HS6ST3: variants seen among roughly 807,000 people sequenced by gnomAD.
HS6ST3 encodes heparan sulfate 6-O-sulfotransferase 3.
A neutral mutation model predicts 36.7 loss-of-function variants in HS6ST3; 12 were observed. The ratio of observed to expected loss-of-function variants is 0.33; its 90% CI spans 0.21 to 0.53. HS6ST3 has a LOEUF of 0.53. HS6ST3 is among the 20% of genes least tolerant of loss of function. HS6ST3 has a pLI of 0.95. For synonymous variants in HS6ST3, 240 were observed against 257.5 expected, an observed-to-expected ratio of 0.93 and a Z score of 0.65; for missense variants, 584 against 640.9, an observed-to-expected ratio of 0.91 and a Z score of 0.96.
intron 1 of HS6ST3, among the ~76,000 whole-genome samples, chr13:96,648,673 C>T (rs568364414): frequency 6.6e-6 from 1 of 151,898 alleles, no homozygotes; most frequent in East Asian, 2.0e-4. Context: ...CACAACAGGC[C>T]CCAGTCTGTG....
At chr13:96,720,172 CT>C (rs2138468094) in intron 1 of HS6ST3, among the ~76,000 whole-genome samples, 1 of 152,320 alleles carries the variant, frequency 6.6e-6, no homozygotes, top group African/African-American at 2.4e-5. Context: ...TATATAGGCT[CT>C]AAGACCTGGT....
At chr13:96,751,577 A>G (rs936359737) in intron 1 of HS6ST3, among the ~76,000 whole-genome samples, 4 of 152,170 alleles carry the variant, frequency 2.6e-5, no homozygotes, top group African/African-American at 2.4e-5. Context: ...TGGCAGTCCT[A>G]GAAAACCAAT....
At chr13:96,439,145 G>A (rs1002133203) in intron 1 of HS6ST3, among the ~76,000 whole-genome samples, 3 of 152,092 alleles carry the variant, frequency 2.0e-5, no homozygotes, top group Non-Finnish European at 4.4e-5. Flanking sequence ...ATTTGAGTGT[G>A]GGCCACATTT....
intron 1 of HS6ST3, among the ~76,000 whole-genome samples, chr13:96,323,336 C>G (rs1260951486): frequency 6.6e-6 from 1 of 152,184 alleles, no homozygotes; most frequent in Non-Finnish European, 1.5e-5. Flanking sequence ...TGTATTATCT[C>G]TAACATCTTT....
intron 1 of HS6ST3, among the ~76,000 whole-genome samples, chr13:96,634,595 A>T (rs1327265408): frequency 6.6e-6 from 1 of 152,150 alleles, no homozygotes; most frequent in Non-Finnish European, 1.5e-5. Context: ...TACCAAAAAG[A>T]TTAGCTATTA....
chr13:96,214,096 A>C (rs572353590), intron 1 of HS6ST3, among the ~76,000 whole-genome samples: 2 of 152,318 alleles, frequency 1.3e-5, no homozygotes, highest in South Asian at 4.1e-4. Flanking sequence ...CATTTTCTAC[A>C]TGTTTTTATA....
chr13:96,245,972 G>A (rs1429684310), intron 1 of HS6ST3, among the ~76,000 whole-genome samples: 1 of 152,074 alleles, frequency 6.6e-6, no homozygotes, highest in Non-Finnish European at 1.5e-5. Context: ...TTTTCTGCAA[G>A]TGTAAACAAA....
chr13:96,343,837 G>T (rs183087773), intron 1 of HS6ST3, among the ~76,000 whole-genome samples: 73 of 152,234 alleles, frequency 4.8e-4, no homozygotes, highest in African/African-American at 1.5e-3. Context: ...CCGCCTCCTG[G>T]GTTCACGTGA....
intron 1 of HS6ST3, among the ~76,000 whole-genome samples, chr13:96,160,488 C>G (rs541222256): frequency 2.0e-5 from 3 of 152,150 alleles, no homozygotes; most frequent in Non-Finnish European, 4.4e-5. Context: ...TCCAAGCTGT[C>G]CCGTTCTTAT....
intron 1 of HS6ST3, among the ~76,000 whole-genome samples, chr13:96,393,165 T>A (rs1052807173): frequency 6.6e-6 from 1 of 152,126 alleles, no homozygotes; most frequent in African/African-American, 2.4e-5. Flanking sequence ...TTGTGAGGCC[T>A]CCCCAGCCAT....
chr13:96,723,101 C>G (rs1875893757), intron 1 of HS6ST3, among the ~76,000 whole-genome samples: 1 of 151,850 alleles, frequency 6.6e-6, no homozygotes, highest in East Asian at 1.9e-4. Flanking sequence ...CTCTGTTATC[C>G]TCTTCTCTCT....
intron 1 of HS6ST3, among the ~76,000 whole-genome samples, chr13:96,497,587 T>A (rs898373847): frequency 1.3e-5 from 2 of 152,108 alleles, no homozygotes; most frequent in African/African-American, 2.4e-5. Flanking sequence ...TGCTCAGACA[T>A]CTCTAATTCA....
chr13:96,751,762 G>A (rs1236252124), intron 1 of HS6ST3, among the ~76,000 whole-genome samples: 1 of 151,576 alleles, frequency 6.6e-6, no homozygotes, highest in Non-Finnish European at 1.5e-5. Flanking sequence ...ATGTGTGTGT[G>A]TATATATATG....
intron 1 of HS6ST3, among the ~76,000 whole-genome samples, chr13:96,750,965 T>C (rs1876686280): frequency 6.6e-6 from 1 of 152,250 alleles, no homozygotes; most frequent in South Asian, 2.1e-4. Context: ...TTGCTTATTT[T>C]CTTCCATACA....
intron 1 of HS6ST3, among the ~76,000 whole-genome samples, chr13:96,245,647 T>C (rs2054581481): frequency 1.3e-5 from 2 of 152,154 alleles, no homozygotes; most frequent in Admixed American, 1.3e-4. Flanking sequence ...GAGCCATTTC[T>C]TTATCCATTA....
At chr13:96,696,831 G>C (rs1936836424) in intron 1 of HS6ST3, among the ~76,000 whole-genome samples, 1 of 152,152 alleles carries the variant, frequency 6.6e-6, no homozygotes, top group Non-Finnish European at 1.5e-5. Flanking sequence ...GGGGTCCGGA[G>C]CCTGACAGGG....
At chr13:96,542,501 C>T (rs2056182243) in intron 1 of HS6ST3, among the ~76,000 whole-genome samples, 1 of 152,148 alleles carries the variant, frequency 6.6e-6, no homozygotes, top group Admixed American at 6.5e-5. Context: ...CAAGGGTCCA[C>T]CTTTTCTGGC....
intron 1 of HS6ST3, among the ~76,000 whole-genome samples, chr13:96,561,461 G>C (rs1486341921): frequency 6.6e-6 from 1 of 152,094 alleles, no homozygotes; most frequent in Non-Finnish European, 1.5e-5. Context: ...ACACCATTCT[G>C]GAAATGGATC....
intron 1 of HS6ST3, among the ~76,000 whole-genome samples, chr13:96,166,296 A>G (rs1485252758): frequency 6.6e-6 from 1 of 152,070 alleles, no homozygotes; most frequent in Non-Finnish European, 1.5e-5. Context: ...CCAAAGGAAA[A>G]GTAAACTTTC....
Sources: allele counts gnomAD v4.1 joint callset (sites outside exome capture counted in the v4.1 genomes callset), GRCh38; gene constraint gnomAD v4.1.1; transcripts MANE v1.5; gene names NCBI Gene and HGNC (gene_info 2026-07-23, HGNC 2026-07-21).